The following NECAB2 variants were observed in gnomAD, a reference collection of about 807,000 sequenced individuals.
NECAB2 encodes N-terminal EF-hand calcium binding protein 2, also known as N-terminal EF-hand calcium-binding protein 2.
Under a neutral mutation model 51.9 loss-of-function variants are expected in NECAB2, and 68 were observed. That is an observed-to-expected ratio of 1.31 (90% CI 1.08 to 1.60). The LOEUF (loss-of-function observed/expected upper bound fraction) is 1.60. Ranked by LOEUF, NECAB2 falls within the 40% of genes most tolerant of loss-of-function variation. The probability of loss-of-function intolerance (pLI) is 0.00; values close to 1 mark genes in which losing one functional copy is unlikely to be tolerated. For synonymous variants in NECAB2, 329 were observed against 203.5 expected, an observed-to-expected ratio of 1.62 and a Z score of -5.25; for missense variants, 854 against 490.3, an observed-to-expected ratio of 1.74 and a Z score of -7.00.
Position 84,002,330 on chromosome 16 carries a change from CGGTGGGA to C in NECAB2, c.1146_1152del (p.Val383GlyfsTer72). 1 of 1,613,942 alleles carries C rather than the reference CGGTGGGA, an allele frequency of 6.2e-7. No individual in the cohort carries two copies. The highest frequency in any genetic ancestry group is 8.5e-7 in the Non-Finnish European group (1 of 1,179,898). On this transcript the variant is annotated frameshift_variant, in exon 13 of 13. Transcript: ENST00000305202. LOFTEE classifies it high-confidence loss of function. The stretch of plus-strand genomic sequence containing the variant: ...TCTCTCCTTTTAGCTGCTTGGTGCA[CGGTGGGA>C]CGGGACTGACAGCCTCCCAGAGGCC...
At chr16:83,969,575 C>T (rs2084326746) in intron 1 of NECAB2, among the ~76,000 whole-genome samples, 1 of 152,094 alleles carries the variant, frequency 6.6e-6, no homozygotes, top group Non-Finnish European at 1.5e-5. Context: ...CCCCTCACCC[C>T]TCCTAACTCC....
At chr16:83,971,048 C>G (rs2250831) in intron 1 of NECAB2, among the ~76,000 whole-genome samples, 76 of 151,708 alleles carry the variant, frequency 5.0e-4, no homozygotes, top group South Asian at 1.9e-3. Flanking sequence ...GAGCCAAGAT[C>G]GCGCCACTGC....
chr16:83,997,236 G>T lies in NECAB2; in HGVS notation c.816G>T (p.Gln272His). ...LESKALWFDL[Q>H]QRLSDEDGTN... is the part of the protein sequence containing the mutation. ...TTCAGGCACTGTGGTTCGACCTGCA[G>T]CAGCGCCTGTCAGATGAAGATGGCA... Residue 272 changes from glutamine (Q) to histidine (H), a missense_variant, in exon 9 of 13, where the codon CAG becomes CAT. Coordinates refer to ENST00000305202, the MANE Select transcript of NECAB2 (RefSeq NM_019065.3). 3 of 1,614,158 alleles carry T rather than the reference G, an allele frequency of 1.9e-6. No homozygotes were observed. Among genetic ancestry groups the T allele is most frequent in the Non-Finnish European group, 2.5e-6 (3 of 1,180,026 alleles).
At chr16:83,988,883 G>C (rs1403306466) in intron 5 of NECAB2, among the ~76,000 whole-genome samples, 1 of 152,146 alleles carries the variant, frequency 6.6e-6, no homozygotes, top group African/African-American at 2.4e-5. Flanking sequence ...GTGTACCCCT[G>C]TGTCAAATCT....
In NECAB2 at chr16:84,002,440, C is replaced by T. The variant is rs972447817; in HGVS notation, c.*94C>T. 5 of 1,476,920 alleles carry T rather than the reference C, an allele frequency of 3.4e-6. No individual in the cohort carries two copies. Among genetic ancestry groups the T allele is most frequent in the Middle Eastern group, 1.7e-4 (1 of 5,798 alleles). The allele number at this position is 1,476,920 out of a possible 1,614,324, so 91.5% of individuals were successfully genotyped here. On this transcript the variant is annotated 3_prime_UTR_variant, in exon 13 of 13. Transcript: ENST00000305202. Reference sequence around the variant, plus strand: ...CTAGACAGACACTTTGGTGCAGAAGCTTCTTTTCAATCCATCCTCCACAAG... The same window carrying T: ...CTAGACAGACACTTTGGTGCAGAAGTTTCTTTTCAATCCATCCTCCACAAG...
chr16:84,000,708 C>T lies in NECAB2; in HGVS notation c.963-16C>T, dbSNP rs1567681129. 1.9e-6 allele frequency: 3 copies of T among 1,613,508 alleles called. No homozygotes were observed. The highest frequency in any genetic ancestry group is 2.2e-5 in the East Asian group (1 of 44,872). ...TTGAGCTCCAGCCTCCTCCCCCCGA[C>T]CATCTCCTGTTGCAGCATCACTGCC... On this transcript the variant is annotated splice_polypyrimidine_tract_variant and intron_variant, in intron 10 of 12. Coordinates refer to ENST00000305202, the MANE Select transcript of NECAB2 (RefSeq NM_019065.3).
chr16:83,985,343 AAAAG>A (rs1297818519), intron 5 of NECAB2, among the ~76,000 whole-genome samples: 1 of 127,112 alleles, frequency 7.9e-6, no homozygotes, highest in Non-Finnish European at 1.6e-5. Context: ...AAAAAAAAAA[AAAAG>A]GTTACTGCTG....
At chr16:83,990,469 A>C (rs762863433) in intron 5 of NECAB2, 25 bp from the exon 6 acceptor site, 2 of 1,612,306 alleles carry the variant, frequency 1.2e-6, no homozygotes, top group African/African-American at 1.3e-5. Context: ...CTTTCCCCTC[A>C]GTGCCTCTTC....
At chr16:83,976,037 C>T (rs1323436694) in intron 2 of NECAB2, among the ~76,000 whole-genome samples, 1 of 152,110 alleles carries the variant, frequency 6.6e-6, no homozygotes, top group Non-Finnish European at 1.5e-5. Flanking sequence ...CGAGGGGGCA[C>T]CTTGCTGGTC....
intron 1 of NECAB2, among the ~76,000 whole-genome samples, chr16:83,969,358 G>C (rs1433339953): frequency 6.6e-6 from 1 of 151,952 alleles, no homozygotes; most frequent in African/African-American, 2.4e-5. Flanking sequence ...CTTTGCCCCA[G>C]CTACTGCCAC....
chr16:83,987,602 C>G (rs2084572185), intron 5 of NECAB2, among the ~76,000 whole-genome samples: 1 of 146,308 alleles, frequency 6.8e-6, no homozygotes, highest in Admixed American at 6.6e-5. Flanking sequence ...TGCTCTTTTA[C>G]CTAATTTTTT....
chr16:83,966,310 A>G (rs1288014587), upstream of NECAB2: 3 of 444,504 alleles, frequency 6.7e-6, no homozygotes, highest in Non-Finnish European at 1.2e-5. Context: ...AGCAGGTCCC[A>G]AATAAAGCCA....
At chr16:83,997,449 TC>T (rs1263640394) in intron 9 of NECAB2, among the ~76,000 whole-genome samples, 180 bp downstream of exon 9, 50 of 138,372 alleles carry the variant, frequency 3.6e-4, no homozygotes, top group African/African-American at 1.2e-3. Context: ...CCCCACCAAC[TC>T]CGGGGGTATT....
At chr16:83,975,410 C>T (rs2084398041) in intron 2 of NECAB2, among the ~76,000 whole-genome samples, 1 of 152,008 alleles carries the variant, frequency 6.6e-6, no homozygotes. Flanking sequence ...CCCACAAGCA[C>T]ACACAGGACT....
intron 1 of NECAB2, among the ~76,000 whole-genome samples, chr16:83,970,785 C>T (rs1172632435): frequency 6.6e-6 from 1 of 152,160 alleles, no homozygotes; most frequent in Non-Finnish European, 1.5e-5. Context: ...AAGCTGGGAT[C>T]CTTCTCAGGC....
intron 10 of NECAB2, among the ~76,000 whole-genome samples, chr16:83,999,707 C>A (rs890558423): frequency 6.6e-6 from 1 of 152,016 alleles, no homozygotes; most frequent in Non-Finnish European, 1.5e-5. Context: ...CCCCTGGGTC[C>A]CATAGAGCAA....
intron 6 of NECAB2, among the ~76,000 whole-genome samples, chr16:83,993,879 T>G (rs1394792005): frequency 6.6e-6 from 1 of 151,594 alleles, no homozygotes. Context: ...TGAAACCAGG[T>G]CCCCCACCCC....
intron 8 of NECAB2, among the ~76,000 whole-genome samples, chr16:83,996,311 G>C (rs888217258): frequency 6.6e-6 from 1 of 152,212 alleles, no homozygotes; most frequent in African/African-American, 2.4e-5. Flanking sequence ...TGTTCATGCT[G>C]TGTGCCCCCA....
At chr16:83,974,442 A>G (rs1271081822) in intron 2 of NECAB2, among the ~76,000 whole-genome samples, 1 of 152,188 alleles carries the variant, frequency 6.6e-6, no homozygotes, top group African/African-American at 2.4e-5. Flanking sequence ...CGGAAATGGG[A>G]GTCCGCAGGT....
Sources: gnomAD v4.1 joint callset for allele counts (sites outside exome capture counted in the v4.1 genomes callset) on GRCh38, gnomAD v4.1.1 for gene constraint, MANE v1.5 for transcripts, NCBI Gene and HGNC (gene_info 2026-07-23, HGNC 2026-07-21) for gene names.